HDGFL3: variants seen among roughly 807,000 people sequenced by gnomAD.
The protein encoded by HDGFL3 is HDGF like 3, also known as hepatoma-derived growth factor-related protein 3.
A neutral mutation model predicts 27.6 loss-of-function variants in HDGFL3; 6 were observed. That is an observed-to-expected ratio of 0.22 (90% confidence interval 0.12 to 0.43). The LOEUF is 0.43. Among genes scored for constraint, HDGFL3 ranks in the 20% least tolerant of loss-of-function variants. The pLI is 1.00. For missense variants in HDGFL3, 207 were observed against 250.1 expected, an observed-to-expected ratio of 0.83 and a Z score of 1.16; for synonymous variants, 88 against 88.9, an observed-to-expected ratio of 0.99 and a Z score of 0.05.
intron 1 of HDGFL3, among the ~76,000 whole-genome samples, chr15:83,183,559 G>A (rs1000403146): frequency 1.3e-5 from 2 of 152,018 alleles, no homozygotes; most frequent in South Asian, 4.2e-4. Flanking sequence ...TCAGGAAGTC[G>A]AGAACAGCCT....
At chr15:83,127,596 T>A (rs2035880404), downstream of HDGFL3, 1 of 1,147,120 alleles carries the variant, frequency 8.7e-7, no homozygotes, top group African/African-American at 1.6e-5. Flanking sequence ...ACATGTCACC[T>A]TTTGTTTTGC....
chr15:83,190,763 G>A (rs2037502204), intron 1 of HDGFL3, among the ~76,000 whole-genome samples: 1 of 152,056 alleles, frequency 6.6e-6, no homozygotes, highest in South Asian at 2.1e-4. Context: ...AAAAGCACTT[G>A]ATTTTAATGT....
intron 1 of HDGFL3, among the ~76,000 whole-genome samples, chr15:83,182,932 A>G (rs902953881): frequency 6.6e-6 from 1 of 152,246 alleles, no homozygotes; most frequent in Non-Finnish European, 1.5e-5. Flanking sequence ...GCAAAATGCT[A>G]ACTATAGAAT....
In HDGFL3 at chr15:83,171,018, G is replaced by C. The variant is rs145689722; in HGVS notation, c.85-6943C>G. Among the ~76,000 whole-genome samples the C allele has an allele frequency of 1.1e-3, 165 of 152,074 alleles. 1 individual carries two copies. Among genetic ancestry groups the C allele is most frequent in the East Asian group, 7.9e-3 (41 of 5,178 alleles). On this transcript the variant is annotated intron_variant, in intron 1 of 5. Coordinates refer to ENST00000299633, the MANE Select transcript of HDGFL3 (RefSeq NM_016073.4). ...GAGAAATGCAAATCAAAACCACAAT[G>C]AGATACTATCTCACACCAGTCATAA...
intron 1 of HDGFL3, among the ~76,000 whole-genome samples, chr15:83,194,994 ATC>A (rs1465976104): frequency 6.6e-6 from 1 of 152,228 alleles, no homozygotes; most frequent in Non-Finnish European, 1.5e-5. Flanking sequence ...ATGCAGTGTT[ATC>A]TCTTTCTAAT....
intron 2 of HDGFL3, among the ~76,000 whole-genome samples, chr15:83,160,566 G>A (rs2037088850): frequency 7.3e-6 from 1 of 137,180 alleles, no homozygotes; most frequent in South Asian, 2.7e-4. Flanking sequence ...AACAATATTT[G>A]GGGGCAAAAA....
At chr15:83,126,319 T>C (rs1008316266), downstream of HDGFL3, among the ~76,000 whole-genome samples, 4 of 152,192 alleles carry the variant, frequency 2.6e-5, no homozygotes, top group East Asian at 7.7e-4. Flanking sequence ...CCAAAGGCCA[T>C]ATACGCTATG....
intron 5 of HDGFL3, among the ~76,000 whole-genome samples, chr15:83,149,401 G>A (rs905450806): frequency 6.6e-6 from 1 of 152,176 alleles, no homozygotes; most frequent in African/African-American, 2.4e-5. Context: ...TCATATGTAT[G>A]GATAAGATGA....
intron 2 of HDGFL3, among the ~76,000 whole-genome samples, chr15:83,160,830 C>T (rs1401692641): frequency 6.6e-6 from 1 of 152,144 alleles, no homozygotes; most frequent in African/African-American, 2.4e-5. Context: ...TCAAAAACTT[C>T]AAGTTCATTA....
At chr15:83,169,233 C>G (rs1259997358) in intron 1 of HDGFL3, 1 of 447,834 alleles carries the variant, frequency 2.2e-6, no homozygotes, top group East Asian at 7.2e-5. Flanking sequence ...TTCACCACTC[C>G]TATTCAACAT....
rs2037047613 is a variant in HDGFL3 at position 83,157,528 on chromosome 15, T to G, written c.346A>C (p.Asn116His). Reference protein sequence around the residue: ...SSSETEGEGGNTADASSEEEG... With the variant: ...SSSETEGEGGHTADASSEEEG... ...TCCTCACTGCTTGCATCTGCAGTAT[T>G]TCCACCTTCTCCCTCAGTTTCTGAA... Residue 116 changes from asparagine to histidine, a missense_variant, in exon 4 of 6, where the codon AAT becomes CAT. Transcript: ENST00000299633. The G allele has an allele frequency of 6.2e-7, 1 of 1,613,792 alleles. No individual in the cohort carries two copies.
intron 1 of HDGFL3, among the ~76,000 whole-genome samples, chr15:83,196,653 G>C (rs2037573847): frequency 6.6e-6 from 1 of 152,064 alleles, no homozygotes; most frequent in African/African-American, 2.4e-5. Flanking sequence ...CATTAAGTTT[G>C]AAATAGAAGA....
intron 3 of HDGFL3, among the ~76,000 whole-genome samples, chr15:83,117,810 G>A (rs2034811025): frequency 6.6e-6 from 1 of 152,082 alleles, no homozygotes; most frequent in Admixed American, 6.6e-5. Flanking sequence ...CAGGCCTTGA[G>A]AATCTTTATC....
chr15:83,118,850 CT>C (rs2034949537), intron 3 of HDGFL3, among the ~76,000 whole-genome samples: 2 of 152,118 alleles, frequency 1.3e-5, no homozygotes, highest in South Asian at 2.1e-4. Flanking sequence ...ATGTAACCAC[CT>C]AGAAAAGGGA....
intron 1 of HDGFL3, among the ~76,000 whole-genome samples, chr15:83,181,649 T>C (rs973947889): frequency 1.3e-5 from 2 of 152,184 alleles, no homozygotes; most frequent in Admixed American, 1.3e-4. Flanking sequence ...CTAATTTTTG[T>C]ATTTTTAGTA....
At chr15:83,154,328 CCT>C (rs944514451) in intron 4 of HDGFL3, among the ~76,000 whole-genome samples, 4 of 150,028 alleles carry the variant, frequency 2.7e-5, no homozygotes, top group African/African-American at 9.9e-5. Context: ...AGAGCAAGAC[CCT>C]GTCTCAAGAC....
intron 5 of HDGFL3, among the ~76,000 whole-genome samples, chr15:83,143,888 T>C (rs1243062873): frequency 6.6e-6 from 1 of 152,180 alleles, no homozygotes; most frequent in Non-Finnish European, 1.5e-5. Flanking sequence ...AGTTGTGTGG[T>C]AGCCTTGTGT....
At chr15:83,169,673 T>C (rs998951524) in intron 1 of HDGFL3, among the ~76,000 whole-genome samples, 1 of 151,598 alleles carries the variant, frequency 6.6e-6, no homozygotes, top group Admixed American at 6.6e-5. Flanking sequence ...TGGTGGCTCG[T>C]GCCTGTAATC....
rs1297104196 is a variant in HDGFL3 at position 83,130,980 on chromosome 15, A to G, written c.*8290T>C. 1.3e-5 allele frequency: 2 copies of G among 152,232 alleles called. No individual in the cohort carries two copies. Among genetic ancestry groups the G allele is most frequent in the African/African-American group, 4.8e-5 (2 of 41,398 alleles). 9.4% of individuals were successfully genotyped at this position (152,232 alleles called of 1,614,324 possible). The stretch of plus-strand genomic sequence containing the variant: ...ATGGCATATGCCTGCAGTCCCAGCT[A>G]CTAGGAAGGCTGAGGTGGGAGGATC... On this transcript the variant is annotated 3_prime_UTR_variant, in exon 6 of 6. Coordinates refer to ENST00000299633, the MANE Select transcript of HDGFL3 (RefSeq NM_016073.4).
Sources: allele counts gnomAD v4.1 joint callset (sites outside exome capture counted in the v4.1 genomes callset), GRCh38; gene constraint gnomAD v4.1.1; transcripts MANE v1.5; gene names NCBI Gene and HGNC (gene_info 2026-07-23, HGNC 2026-07-21).